Variants in MMAB observed in about 807,000 individuals in gnomAD.
MMAB encodes corrinoid adenosyltransferase MMAB.
In MMAB, 17 loss-of-function variants were observed where a neutral mutation model predicts 30.6. The observed-to-expected ratio is 0.56, with a 90% CI of 0.38 to 0.83. The LOEUF (loss-of-function observed/expected upper bound fraction) is 0.83, where lower values mean the gene tolerates loss of function less well. Among genes scored for constraint, MMAB ranks in the 40% least tolerant of loss-of-function variants. The pLI is 0.00. For synonymous variants in MMAB, 134 were observed against 138.6 expected (o/e 0.97, Z 0.23); for missense variants, 311 against 331.6 (o/e 0.94, Z 0.48).
At chr12:109,565,348 G>A (rs1210110980) in intron 3 of MMAB, among the ~76,000 whole-genome samples, 172 bp from the exon 4 acceptor site, 1 of 152,166 alleles carries the variant, frequency 6.6e-6, no homozygotes, top group Non-Finnish European at 1.5e-5. Context: ...TGGGGGCGGT[G>A]GTATTTGTTT....
At chr12:109,567,279 C>G (rs905995126) in intron 3 of MMAB, 2 of 345,480 alleles carry the variant, frequency 5.8e-6, no homozygotes, top group Non-Finnish European at 1.1e-5. Flanking sequence ...CCCACAAGAA[C>G]AGTGAGATGG....
chr12:109,565,812 CTT>C (rs1884401592), intron 3 of MMAB, among the ~76,000 whole-genome samples: 1 of 152,000 alleles, frequency 6.6e-6, no homozygotes, highest in Non-Finnish European at 1.5e-5. Context: ...GGAGGGGAGA[CTT>C]TGAAGGCTGG....
chr12:109,554,612 G>T lies in MMAB; in HGVS notation c.*2416C>A, dbSNP rs1181101208. ...TGATTGTTTCTGAGAGTTGCCAGTG[G>T]TGTGCAAACACTGGGGCAGCGGGGG... On this transcript the variant is annotated 3_prime_UTR_variant, in exon 9 of 9. Coordinates refer to ENST00000545712, the MANE Select transcript of MMAB (RefSeq NM_052845.4). 4.4e-6 allele frequency: 2 copies of T among 454,012 alleles called. No homozygotes were observed. The highest frequency in any genetic ancestry group is 8.8e-6 in the Non-Finnish European group (2 of 226,810). 28.1% of individuals were successfully genotyped at this position (454,012 alleles called of 1,614,324 possible). A position where few individuals can be genotyped will look rare whatever the true frequency, so the allele number is the denominator to read the frequency against.
At chr12:109,557,192 C>T in intron 8 of MMAB, 56 bp from the exon 9 acceptor site, 2 of 1,143,504 alleles carry the variant, frequency 1.7e-6, no homozygotes, top group Non-Finnish European at 2.7e-6. Context: ...GAGATCAACG[C>T]TAACTGGGTC....
rs962799167 is a variant in MMAB at position 109,554,261 on chromosome 12, C to T, written c.*2767G>A. 4.4e-6 allele frequency: 2 copies of T among 453,974 alleles called. No individual in the cohort carries two copies. Among genetic ancestry groups the T allele is most frequent in the Non-Finnish European group, 8.8e-6 (2 of 226,792 alleles). The allele number at this position is 453,974 out of a possible 1,614,324, so 28.1% of individuals were successfully genotyped here. On this transcript the variant is annotated 3_prime_UTR_variant, in exon 9 of 9. Coordinates refer to ENST00000545712, the MANE Select transcript of MMAB (RefSeq NM_052845.4). ...TCTGTGGAACACTTGGCTCAGGGCA[C>T]TGCACATAGCAAGCCCTTCCACAGT...
chr12:109,568,743 C>G, intron 3 of MMAB, 27 bp downstream of exon 3: 1 of 1,577,602 alleles, frequency 6.3e-7, no homozygotes, highest in African/African-American at 1.3e-5. Context: ...TCAAACGCAA[C>G]CTCAAGGCCA....
chr12:109,553,989 T>C lies in MMAB; in HGVS notation c.*3039A>G, dbSNP rs1418106745. The C allele has an allele frequency of 4.4e-6, 2 of 453,992 alleles. No homozygotes were observed. The highest frequency in any genetic ancestry group is 8.8e-6 in the Non-Finnish European group (2 of 226,794). The allele number at this position is 453,992 out of a possible 1,614,324, so 28.1% of individuals were successfully genotyped here. On this transcript the variant is annotated 3_prime_UTR_variant, in exon 9 of 9. Transcript: ENST00000545712. ...GCACATTAACGATAGCCATGAAATA[T>C]TAGTTAAGGGAAACTAGGTTGAGAA...
In MMAB at chr12:109,561,642, C is replaced by T. The variant is rs1225097506; in HGVS notation, c.422-125G>A. The T allele has an allele frequency of 1.6e-5, 19 of 1,210,042 alleles. No homozygotes were observed. The highest frequency in any genetic ancestry group is 2.1e-5 in the Non-Finnish European group (18 of 843,940). 75.0% of individuals were successfully genotyped at this position (1,210,042 alleles called of 1,614,324 possible). Reference sequence around the variant, plus strand: ...ACTGCTTCCACTGGCTCAGAAGGTACCTTCCCTCCCAGGAGCTACGAGCAA... The same window carrying T: ...ACTGCTTCCACTGGCTCAGAAGGTATCTTCCCTCCCAGGAGCTACGAGCAA... On this transcript the variant is annotated intron_variant, in intron 5 of 8. Coordinates refer to ENST00000545712, the MANE Select transcript of MMAB (RefSeq NM_052845.4). This position sits in a 1 kb window ranked among gnomAD's most constrained non-coding sequence, Gnocchi z 5.3.
chr12:109,554,576 T>A lies in MMAB; in HGVS notation c.*2452A>T. ...TTTGTTTCAAAACCCCGTGTTCCCG[T>A]GCAATGGGACTGATTGTTTCTGAGA... On this transcript the variant is annotated 3_prime_UTR_variant, in exon 9 of 9. Coordinates refer to ENST00000545712, the MANE Select transcript of MMAB (RefSeq NM_052845.4). The A allele has an allele frequency of 2.2e-6, 1 of 454,154 alleles. No homozygotes were observed. The highest frequency in any genetic ancestry group is 1.6e-5 in the South Asian group (1 of 64,478). 28.1% of individuals were successfully genotyped at this position (454,154 alleles called of 1,614,324 possible).
At chr12:109,564,378 G>C (rs1315274297) in intron 4 of MMAB, among the ~76,000 whole-genome samples, 4 of 142,684 alleles carry the variant, frequency 2.8e-5, no homozygotes, top group Non-Finnish European at 6.2e-5. Context: ...TGGAGACAGA[G>C]GTTTTTTTTT....
At chr12:109,563,725 A>G (rs1884303479) in intron 4 of MMAB, among the ~76,000 whole-genome samples, 1 of 152,152 alleles carries the variant, frequency 6.6e-6, no homozygotes, top group African/African-American at 2.4e-5. Context: ...CACCACACAG[A>G]ATGTTCTGGC....
chr12:109,567,087 T>C (rs1455400552), intron 3 of MMAB: 2 of 455,236 alleles, frequency 4.4e-6, no homozygotes, highest in Non-Finnish European at 8.8e-6. Context: ...GGAGACTCGC[T>C]TGAACCCGGG....
In MMAB at chr12:109,557,049, C is replaced by A. The variant is rs186864802; in HGVS notation, c.732G>T (p.Ser244=). 2 of 1,612,444 alleles carry A rather than the reference C, an allele frequency of 1.2e-6. No individual in the cohort carries two copies. The highest frequency in any genetic ancestry group is 2.2e-5 in the South Asian group (2 of 91,050). Reference sequence around the variant, plus strand: ...GATTTCAGAGTCCCTCAGACTCGGCCGATGGGTCATTTTTCATGTATATTT... The same window carrying A: ...GATTTCAGAGTCCCTCAGACTCGGCAGATGGGTCATTTTTCATGTATATTT... ...QEKIYMKNDP[S]AESEGL is the part of the protein sequence containing the mutation. Residue 244 remains serine (S), a synonymous_variant, in exon 9 of 9, where the codon TCG becomes TCT. Transcript: ENST00000545712.
rs755714187 is a variant in MMAB, at chr12:109,569,669, C to T, written c.197-806G>A. ...ACAGTTTGGAGCTGGCTTTCGCTAT[C>T]GGGCAGGCTTTGGGGTTGCCAGGTG... On this transcript the variant is annotated intron_variant, in intron 2 of 8. Transcript: ENST00000545712. The surrounding 1 kb of genome is among the most constrained non-coding windows in gnomAD (Gnocchi z 4.1). Among the ~76,000 whole-genome samples, 4 of 152,214 alleles carry T rather than the reference C, an allele frequency of 2.6e-5. No homozygotes were observed. Among genetic ancestry groups the T allele is most frequent in the Admixed American group, 1.3e-4 (2 of 15,280 alleles).
In MMAB at chr12:109,554,456, G is replaced by T; in HGVS notation, c.*2572C>A. On this transcript the variant is annotated 3_prime_UTR_variant, in exon 9 of 9. Coordinates refer to ENST00000545712, the MANE Select transcript of MMAB (RefSeq NM_052845.4). ...GGAAGTGCCCACAAACTCAGGGATC[G>T]AGTAGTATTTGTGTGCAATATTTTC... 2.2e-6 allele frequency: 1 copy of T among 454,050 alleles called. No homozygotes were observed. The highest frequency in any genetic ancestry group is 4.4e-6 in the Non-Finnish European group (1 of 226,792). The allele number at this position is 454,050 out of a possible 1,614,324, so 28.1% of individuals were successfully genotyped here.
At chr12:109,568,400 T>A (rs1884514454) in intron 3 of MMAB, 1 of 319,472 alleles carries the variant, frequency 3.1e-6, no homozygotes, top group Admixed American at 4.6e-5. Flanking sequence ...TTGGCTTATG[T>A]AAAAAACAAC....
At position 109,553,984 on chromosome 12, in the gene MMAB, A is replaced by C. The variant is rs1229848376; in HGVS notation, c.*3044T>G. ...AAAACGCACATTAACGATAGCCATGAAATATTAGTTAAGGGAAACTAGGTT... is the reference window on the plus strand; with the variant it reads ...AAAACGCACATTAACGATAGCCATGCAATATTAGTTAAGGGAAACTAGGTT... On this transcript the variant is annotated 3_prime_UTR_variant, in exon 9 of 9. Coordinates refer to ENST00000545712, the MANE Select transcript of MMAB (RefSeq NM_052845.4). The C allele has an allele frequency of 6.6e-6, 3 of 454,000 alleles. No individual in the cohort carries two copies. The highest frequency in any genetic ancestry group is 1.3e-5 in the Non-Finnish European group (3 of 226,798). The allele number at this position is 454,000 out of a possible 1,614,324, so 28.1% of individuals were successfully genotyped here.
chr12:109,554,958 G>C lies in MMAB; in HGVS notation c.*2070C>G, dbSNP rs1193994072. 1 of 454,142 alleles carries C rather than the reference G, an allele frequency of 2.2e-6. No individual in the cohort carries two copies. Among genetic ancestry groups the C allele is most frequent in the East Asian group, 6.9e-5 (1 of 14,398 alleles). The allele number at this position is 454,142 out of a possible 1,614,324, so 28.1% of individuals were successfully genotyped here. A position where few individuals can be genotyped will look rare whatever the true frequency, so the allele number is the denominator to read the frequency against. On this transcript the variant is annotated 3_prime_UTR_variant, in exon 9 of 9. Coordinates refer to ENST00000545712, the MANE Select transcript of MMAB (RefSeq NM_052845.4). ...TGGTGAACCGGGAGACAGATACAGA[G>C]GCGGGGGTCTGAGAACGCGACTGTT... is the stretch of plus-strand genomic sequence containing the variant.
Position 109,561,699 on chromosome 12 carries a change from G to T in MMAB, c.421+81C>A, listed in dbSNP as rs1490992811. Reference sequence around the variant, plus strand: ...CTGACCCACCCGTGGGTCCCTGGGGGCCTGGGATCCCAGATGGTGACCCTA... The same window carrying T: ...CTGACCCACCCGTGGGTCCCTGGGGTCCTGGGATCCCAGATGGTGACCCTA... On this transcript the variant is annotated intron_variant, in intron 5 of 8. Transcript: ENST00000545712. This position sits in a 1 kb window ranked among gnomAD's most constrained non-coding sequence, Gnocchi z 5.3. 1 of 1,380,732 alleles carries T rather than the reference G, an allele frequency of 7.2e-7. No individual in the cohort carries two copies. The highest frequency in any genetic ancestry group is 2.5e-5 in the East Asian group (1 of 40,268). The allele number at this position is 1,380,732 out of a possible 1,614,324, so 85.5% of individuals were successfully genotyped here.
Sources: allele counts gnomAD v4.1 joint callset (sites outside exome capture counted in the v4.1 genomes callset), GRCh38; gene constraint gnomAD v4.1.1; non-coding constraint Gnocchi (gnomAD v3.1); transcripts MANE v1.5; gene names NCBI Gene and HGNC (gene_info 2026-07-23, HGNC 2026-07-21).